Variants in SERPINB9 observed in about 807,000 individuals in gnomAD.
SERPINB9 encodes the protein serpin B9.
In SERPINB9, 20 loss-of-function variants were observed where a neutral mutation model predicts 27.2. That is an observed-to-expected ratio of 0.74 (90% CI 0.52 to 1.07). SERPINB9 has a LOEUF of 1.07. Among genes scored for constraint, SERPINB9 ranks in the 50% least tolerant of loss-of-function variants. SERPINB9 has a pLI of 0.00. For synonymous variants in SERPINB9, 189 were observed against 180.0 expected (o/e 1.05, Z -0.40); for missense variants, 476 against 460.1 (o/e 1.03, Z -0.32).
chr6:2,893,249 C>T (rs1481173989), intron 5 of SERPINB9, among the ~76,000 whole-genome samples, 162 bp downstream of exon 5: 1 of 46,082 alleles, frequency 2.2e-5, no homozygotes, highest in Non-Finnish European at 4.6e-5. Flanking sequence ...ATATCTTTTA[C>T]TCCTTCCGTT....
At position 2,890,116 on chromosome 6, in the gene SERPINB9, G is replaced by A. The variant is rs1311130974; in HGVS notation, c.*47C>T. 12 of 1,572,578 alleles carry A rather than the reference G, an allele frequency of 7.6e-6. No homozygotes were observed. Among genetic ancestry groups the A allele is most frequent in the South Asian group, 3.5e-5 (3 of 86,168 alleles). On this transcript the variant is annotated 3_prime_UTR_variant, in exon 7 of 7. Coordinates refer to ENST00000380698, the MANE Select transcript of SERPINB9 (RefSeq NM_004155.6). The surrounding 1 kb of genome is among the most constrained non-coding windows in gnomAD (Gnocchi z 6.2). ...CTCTTGGAGCTGTAGTGGGGATCTG[G>A]GGACACAGGAAGAGGGAAATGGCCG...
rs997375751 is a variant in SERPINB9, at chr6:2,891,929, C to G, written c.627G>C (p.Val209=). 1 of 1,613,408 alleles carries G rather than the reference C, an allele frequency of 6.2e-7. No homozygotes were observed. ...CCAGCAGCTGCGCGCGCACCTCGCC[C>G]ACGTGGGCGAGCTTAAACGTGGCCT... The part of the protein sequence containing the change: ...YQEATFKLAH[V]GEVRAQLLEL... Residue 209 remains valine (V), a synonymous_variant, in exon 6 of 7, where the codon GTG becomes GTC. Coordinates refer to ENST00000380698, the MANE Select transcript of SERPINB9 (RefSeq NM_004155.6). This position sits in a 1 kb window ranked among gnomAD's most constrained non-coding sequence, Gnocchi z 4.0.
At chr6:2,898,938 T>G (rs1768100548) in intron 2 of SERPINB9, among the ~76,000 whole-genome samples, 1 of 152,208 alleles carries the variant, frequency 6.6e-6, no homozygotes, top group African/African-American at 2.4e-5. Flanking sequence ...AAAATTTTTA[T>G]AGTGGACTTT....
intron 1 of SERPINB9, among the ~76,000 whole-genome samples, chr6:2,900,889 A>T (rs4998912): frequency 2.4e-5 from 3 of 125,244 alleles, no homozygotes; most frequent in African/African-American, 3.4e-5. Flanking sequence ...GCTCTCTCAC[A>T]CACACACACA....
rs1413851537 is a variant in SERPINB9, at chr6:2,891,183, G to A, written c.724-613C>T. Among the ~76,000 whole-genome samples, 2 of 152,170 alleles carry A rather than the reference G, an allele frequency of 1.3e-5. No homozygotes were observed. Among genetic ancestry groups the A allele is most frequent in the Non-Finnish European group, 2.9e-5 (2 of 68,038 alleles). On this transcript the variant is annotated intron_variant, in intron 6 of 6. Coordinates refer to ENST00000380698, the MANE Select transcript of SERPINB9 (RefSeq NM_004155.6). This position sits in a 1 kb window ranked among gnomAD's most constrained non-coding sequence, Gnocchi z 4.0. ...TTGCCATGGTTGACTCTCTCACCCT[G>A]GAGATCCATGCTGAAAGGAAGCCGA...
rs140377935 is a variant in SERPINB9, at chr6:2,890,625, G to T, written c.724-55C>A. On this transcript the variant is annotated intron_variant, in intron 6 of 6. Transcript: ENST00000380698. This position sits in a 1 kb window ranked among gnomAD's most constrained non-coding sequence, Gnocchi z 6.2. The stretch of plus-strand genomic sequence containing the variant: ...CCGACTTCAGTGCACATGTACAAGC[G>T]CACAGGCACTCACAGTTCCCTTCCT... 1.3e-6 allele frequency: 2 copies of T among 1,516,890 alleles called. No individual in the cohort carries two copies. The highest frequency in any genetic ancestry group is 1.8e-6 in the Non-Finnish European group (2 of 1,113,208). 94.0% of individuals were successfully genotyped at this position (1,516,890 alleles called of 1,614,324 possible).
At chr6:2,895,306 G>A (rs964196754) in intron 4 of SERPINB9, 85 bp downstream of exon 4, 4 of 819,804 alleles carry the variant, frequency 4.9e-6, no homozygotes, top group African/African-American at 3.4e-5. Flanking sequence ...GAGGAGAGAG[G>A]ATATAAGAGG....
Position 2,889,708 on chromosome 6 carries a change from A to AC in SERPINB9, c.*454_*455insG, listed in dbSNP as rs1442102367. The AC allele has an allele frequency of 6.6e-6, 1 of 152,150 alleles. No individual in the cohort carries two copies. Among genetic ancestry groups the AC allele is most frequent in the African/African-American group, 2.4e-5 (1 of 41,390 alleles). 9.4% of individuals were successfully genotyped at this position (152,150 alleles called of 1,614,324 possible). ...CCAGACTGCGTCTCAGAAAAAAAAA[A>AC]AAAAAAAAGATAAAATATAAATGTA... On this transcript the variant is annotated 3_prime_UTR_variant, in exon 7 of 7. Coordinates refer to ENST00000380698, the MANE Select transcript of SERPINB9 (RefSeq NM_004155.6).
chr6:2,895,916 A>G, intron 3 of SERPINB9, 137 bp downstream of exon 3: 1 of 891,900 alleles, frequency 1.1e-6, no homozygotes, highest in East Asian at 2.8e-5. Flanking sequence ...GTGAGACCCC[A>G]TCTTAGAAAA....
At chr6:2,899,873 C>T (rs1415678378) in intron 2 of SERPINB9, 1 of 451,486 alleles carries the variant, frequency 2.2e-6, no homozygotes, top group Non-Finnish European at 4.4e-6. Flanking sequence ...CTCCTTTCCA[C>T]AAAGGTCTGG....
At chr6:2,902,888 G>A (rs1322268213) in intron 1 of SERPINB9, among the ~76,000 whole-genome samples, 2 of 152,220 alleles carry the variant, frequency 1.3e-5, no homozygotes, top group African/African-American at 2.4e-5. Flanking sequence ...GAGCAGAGAA[G>A]AGCAGTGAGA....
Position 2,893,400 on chromosome 6 carries a change from G to T in SERPINB9, c.567+11C>A. On this transcript the variant is annotated intron_variant, in intron 5 of 6. Coordinates refer to ENST00000380698, the MANE Select transcript of SERPINB9 (RefSeq NM_004155.6). Reference sequence around the variant, plus strand: ...CATCAAACTAGCAGGATTTTAAAAAGCTTCCCCCACCTGGTTTATTTTAAA... The same window carrying T: ...CATCAAACTAGCAGGATTTTAAAAATCTTCCCCCACCTGGTTTATTTTAAA... 6.3e-7 allele frequency: 1 copy of T among 1,592,176 alleles called. No individual in the cohort carries two copies. Among genetic ancestry groups the T allele is most frequent in the South Asian group, 1.1e-5 (1 of 87,294 alleles).
chr6:2,891,359 T>G lies in SERPINB9; in HGVS notation c.723+474A>C, dbSNP rs1044845053. 6.6e-6 allele frequency among the ~76,000 whole-genome samples: 1 copy of G among 152,196 alleles called. No individual in the cohort carries two copies. Among genetic ancestry groups the G allele is most frequent in the South Asian group, 2.1e-4 (1 of 4,826 alleles). On this transcript the variant is annotated intron_variant, in intron 6 of 6. Transcript: ENST00000380698. The surrounding 1 kb of genome is among the most constrained non-coding windows in gnomAD (Gnocchi z 4.0). ...AGGTTCCTAGACTTTAAAAGCATAA[T>G]GCTAAGAATGATGATTGTAATAATG...
chr6:2,892,135 A>G (rs1033083732), intron 5 of SERPINB9, 147 bp from the exon 6 acceptor site: 6 of 734,082 alleles, frequency 8.2e-6, no homozygotes, highest in Non-Finnish European at 1.1e-5. Context: ...AAAAAAAAAA[A>G]AGTCAACCAG....
chr6:2,900,812 G>C (rs1434427982), intron 1 of SERPINB9, among the ~76,000 whole-genome samples, 191 bp from the exon 2 acceptor site: 1 of 151,692 alleles, frequency 6.6e-6, no homozygotes, highest in African/African-American at 2.4e-5. Flanking sequence ...AAGGTAATTA[G>C]CTAAGTGTGG....
chr6:2,889,849 A>T lies in SERPINB9; in HGVS notation c.*314T>A. On this transcript the variant is annotated 3_prime_UTR_variant, in exon 7 of 7. Transcript: ENST00000380698. ...GGTTAAGGAATGTATTCGCAGTGTC[A>T]GGAAAGCACAGGGTCGCCAGAGTGA... 3.6e-6 allele frequency: 1 copy of T among 279,434 alleles called. No individual in the cohort carries two copies. Among genetic ancestry groups the T allele is most frequent in the Non-Finnish European group, 6.8e-6 (1 of 147,446 alleles). The allele number at this position is 279,434 out of a possible 1,614,324, so 17.3% of individuals were successfully genotyped here.
intron 2 of SERPINB9, among the ~76,000 whole-genome samples, chr6:2,897,099 C>A (rs1170285723): frequency 7.0e-6 from 1 of 143,494 alleles, no homozygotes; most frequent in Non-Finnish European, 1.5e-5. Flanking sequence ...GCACTCCAGC[C>A]TAGGAGACAG....
intron 2 of SERPINB9, chr6:2,899,836 C>T (rs1190930218): frequency 9.5e-6 from 4 of 420,156 alleles, no homozygotes; most frequent in East Asian, 7.2e-5. Flanking sequence ...TGGCGCTTTT[C>T]GGTTTCATCT....
At position 2,894,925 on chromosome 6, in the gene SERPINB9, A is replaced by T. The variant is rs2113607703; in HGVS notation, c.424+466T>A. Among the ~76,000 whole-genome samples, 1 of 125,758 alleles carries T rather than the reference A, an allele frequency of 8.0e-6. No homozygotes were observed. Among genetic ancestry groups the T allele is most frequent in the East Asian group, 2.5e-4 (1 of 4,002 alleles). The allele number at this position is 125,758 out of a possible 152,430, so 82.5% of individuals were successfully genotyped here. On this transcript the variant is annotated intron_variant, in intron 4 of 6. Transcript: ENST00000380698. This position sits in a 1 kb window ranked among gnomAD's most constrained non-coding sequence, Gnocchi z 4.7. ...ACACCTGGCTAATTTTTGTATTTTT[A>T]GTAGAGATGTTGGGCGGGGGGGGGT...
Sources: gnomAD v4.1 joint callset for allele counts (sites outside exome capture counted in the v4.1 genomes callset) on GRCh38, gnomAD v4.1.1 for gene constraint, Gnocchi (gnomAD v3.1) non-coding constraint, MANE v1.5 for transcripts, NCBI Gene and HGNC (gene_info 2026-07-23, HGNC 2026-07-21) for gene names.